Variants in DLGAP1 observed in about 807,000 individuals in gnomAD.
DLGAP1 encodes the protein disks large-associated protein 1.
DLGAP1 carries 11 observed loss-of-function variants against 90.8 expected under a neutral mutation model. That is an observed-to-expected ratio of 0.12 (90% CI 0.08 to 0.20). The LOEUF (loss-of-function observed/expected upper bound fraction) is 0.20. Ranked by LOEUF, DLGAP1 falls within the 10% of genes least tolerant of loss-of-function variation. The pLI is 1.00. For missense variants in DLGAP1, 1,050 were observed against 1,333.8 expected (o/e 0.79, Z 3.31); for synonymous variants, 558 against 540.7 (o/e 1.03, Z -0.44).
intron 1 of DLGAP1, among the ~76,000 whole-genome samples, chr18:4,276,363 C>T (rs1339370559): frequency 1.3e-5 from 2 of 151,974 alleles, no homozygotes; most frequent in East Asian, 1.9e-4. Context: ...AGGCTGGGCA[C>T]GTTGGCTTAT....
chr18:3,738,561 T>C (rs1186605962), intron 6 of DLGAP1, among the ~76,000 whole-genome samples: 1 of 151,804 alleles, frequency 6.6e-6, no homozygotes, highest in Non-Finnish European at 1.5e-5. Context: ...CTTGGAAAAC[T>C]GGCTAGCCAT....
At chr18:4,040,033 C>T (rs144285508) in intron 2 of DLGAP1, among the ~76,000 whole-genome samples, 1 of 152,212 alleles carries the variant, frequency 6.6e-6, no homozygotes, top group South Asian at 2.1e-4. Flanking sequence ...TATTCAAGGA[C>T]TCCCAATTTG....
intron 7 of DLGAP1, among the ~76,000 whole-genome samples, chr18:3,650,032 T>C (rs1215617072): frequency 6.6e-6 from 1 of 152,112 alleles, no homozygotes; most frequent in African/African-American, 2.4e-5. Context: ...CCCAGAGACA[T>C]TACTGTTTTT....
chr18:3,662,262 TC>T (rs2059710762), intron 7 of DLGAP1, among the ~76,000 whole-genome samples: 1 of 152,138 alleles, frequency 6.6e-6, no homozygotes, highest in Admixed American at 6.5e-5. Flanking sequence ...GTTTTAACAC[TC>T]CTAGGGGGTG....
chr18:3,538,950 AAGTTTGC>A (rs1417732528), intron 9 of DLGAP1, among the ~76,000 whole-genome samples: 1 of 152,224 alleles, frequency 6.6e-6, no homozygotes, highest in East Asian at 1.9e-4. Context: ...AGATTAATAG[AAGTTTGC>A]AGTTTGCAGT....
At chr18:4,225,993 A>G (rs1266814590) in intron 1 of DLGAP1, among the ~76,000 whole-genome samples, 1 of 152,168 alleles carries the variant, frequency 6.6e-6, no homozygotes, top group Non-Finnish European at 1.5e-5. Flanking sequence ...CAAAATATTT[A>G]ATAATAAAAC....
intron 5 of DLGAP1, among the ~76,000 whole-genome samples, chr18:3,748,161 G>A (rs1205405743): frequency 6.6e-6 from 1 of 152,210 alleles, no homozygotes; most frequent in Non-Finnish European, 1.5e-5. Context: ...CAGAACTAAA[G>A]GGAGATTTTG....
chr18:3,982,663 C>T (rs57714590), intron 3 of DLGAP1, among the ~76,000 whole-genome samples: 57,616 of 151,884 alleles, frequency 0.38, 11,233 homozygotes, highest in Non-Finnish European at 0.42. Flanking sequence ...CCATTTATAG[C>T]CCTTCTTCTC....
chr18:3,982,158 CT>C (rs1387818211), intron 3 of DLGAP1, among the ~76,000 whole-genome samples: 2 of 152,114 alleles, frequency 1.3e-5, no homozygotes, highest in East Asian at 3.9e-4. Flanking sequence ...AGTTTGTAGT[CT>C]TTTGAAAGAA....
intron 7 of DLGAP1, among the ~76,000 whole-genome samples, chr18:3,672,632 A>G (rs2060140761): frequency 6.8e-6 from 1 of 147,894 alleles, no homozygotes; most frequent in African/African-American, 2.5e-5. Flanking sequence ...CAGGTAGATA[A>G]ACCCAGGAGT....
At chr18:3,513,038 T>C (rs4277430) in intron 10 of DLGAP1, among the ~76,000 whole-genome samples, 119,246 of 152,042 alleles carry the variant, frequency 0.78, 46,899 homozygotes, top group African/African-American at 0.84. Context: ...TCCCTCTCCC[T>C]CTACATCATG....
At chr18:3,919,649 C>T (rs1422999893) in intron 3 of DLGAP1, among the ~76,000 whole-genome samples, 1 of 152,186 alleles carries the variant, frequency 6.6e-6, no homozygotes, top group Non-Finnish European at 1.5e-5. Flanking sequence ...GTAATAGCTA[C>T]AAGTGATTGC....
At position 4,438,419 on chromosome 18, in the gene DLGAP1, G is replaced by A. The variant is rs8098607; in HGVS notation, c.-267+16587C>T. 9.2e-3 allele frequency among the ~76,000 whole-genome samples: 1,013 copies of A among 110,186 alleles called. 12 individuals are homozygous for A. Among genetic ancestry groups the A allele is most frequent in the East Asian group, 0.038 (137 of 3,632 alleles). 72.3% of individuals were successfully genotyped at this position (110,186 alleles called of 152,430 possible). A position where few individuals can be genotyped will look rare whatever the true frequency, so the allele number is the denominator to read the frequency against. ...TGCACTCCAGCCTGGGTGACAGAGC[G>A]AGACTCCATCTCAAAAAAAAAAAAA... On this transcript the variant is annotated intron_variant, in intron 1 of 12. Transcript: ENST00000315677.
chr18:3,947,441 C>T (rs921712758), intron 3 of DLGAP1, among the ~76,000 whole-genome samples: 2 of 152,190 alleles, frequency 1.3e-5, no homozygotes, highest in African/African-American at 4.8e-5. Flanking sequence ...TGTTTTGATA[C>T]AATCCATCTT....
intron 1 of DLGAP1, among the ~76,000 whole-genome samples, chr18:4,252,397 T>C (rs190668525): frequency 2.0e-5 from 3 of 152,310 alleles, no homozygotes; most frequent in African/African-American, 4.8e-5. Flanking sequence ...CAACAACCTC[T>C]TTAAGTATTG....
chr18:3,596,885 G>A (rs2056604903), intron 7 of DLGAP1: 1 of 520,070 alleles, frequency 1.9e-6, no homozygotes, highest in African/African-American at 1.9e-5. Context: ...GTTGGCCAAT[G>A]CCGCCAGCAT....
chr18:4,082,510 C>CA (rs59735494), intron 2 of DLGAP1, among the ~76,000 whole-genome samples: 2,534 of 52,022 alleles, frequency 0.049, 280 homozygotes, highest in East Asian at 0.31. Context: ...GACTTTGTCT[C>CA]AAAAAAAAAA....
intron 7 of DLGAP1, among the ~76,000 whole-genome samples, chr18:3,619,508 A>C (rs929663100): frequency 2.0e-5 from 3 of 152,166 alleles, no homozygotes; most frequent in African/African-American, 7.2e-5. Flanking sequence ...AGGGAGACTG[A>C]GTAGGTGTTT....
intron 1 of DLGAP1, among the ~76,000 whole-genome samples, chr18:4,353,607 C>A (rs897432147): frequency 1.3e-5 from 2 of 151,956 alleles, no homozygotes; most frequent in African/African-American, 4.8e-5. Context: ...GAAAACTTTT[C>A]AGACTGAGAA....
Sources: allele counts gnomAD v4.1 joint callset (sites outside exome capture counted in the v4.1 genomes callset), GRCh38; gene constraint gnomAD v4.1.1; transcripts MANE v1.5; gene names NCBI Gene and HGNC (gene_info 2026-07-23, HGNC 2026-07-21).